The following VWA8 variants were observed in gnomAD, a reference collection of about 807,000 sequenced individuals.
The protein encoded by VWA8 is von Willebrand factor A domain-containing protein 8.
VWA8 carries 221 observed loss-of-function variants against 241.5 expected under a neutral mutation model. The ratio of observed to expected loss-of-function variants is 0.91; its 90% CI spans 0.82 to 1.02. The LOEUF (loss-of-function observed/expected upper bound fraction) is 1.02. Among genes scored for constraint, VWA8 ranks in the 50% least tolerant of loss-of-function variants. VWA8 has a pLI of 0.00. For missense variants in VWA8, 2,322 were observed against 2,328.7 expected (o/e 1.00, Z 0.06); for synonymous variants, 852 against 827.1 (o/e 1.03, Z -0.52).
chr13:41,573,486 A>AAAAAATATATATATAT, intron 43 of VWA8, among the ~76,000 whole-genome samples: 2 of 113,614 alleles, frequency 1.8e-5, no homozygotes, highest in South Asian at 3.1e-4. Flanking sequence ...AAAAAAAAAA[A>AAAAAATATATATATAT]ATATATATAT....
At chr13:41,688,464 C>T (rs1364425543) in intron 34 of VWA8, among the ~76,000 whole-genome samples, 1 of 152,130 alleles carries the variant, frequency 6.6e-6, no homozygotes, top group Non-Finnish European at 1.5e-5. Flanking sequence ...AATTTCCCCA[C>T]ATTTCCATCA....
intron 2 of VWA8, among the ~76,000 whole-genome samples, chr13:41,932,075 G>C (rs1250069074): frequency 6.6e-6 from 1 of 152,016 alleles, no homozygotes; most frequent in African/African-American, 2.4e-5. Context: ...ACTATTAAGA[G>C]AGAGAAGACA....
Position 41,784,697 on chromosome 13 carries a change from C to CATATATATATATATAT in VWA8, c.2171-812_2171-797dup, listed in dbSNP as rs59582293. Among the ~76,000 whole-genome samples the CATATATATATATATAT allele has an allele frequency of 1.7e-3, 96 of 56,968 alleles. 3 individuals carry two copies. Among genetic ancestry groups the CATATATATATATATAT allele is most frequent in the South Asian group, 2.9e-3 (4 of 1,382 alleles). The allele number at this position is 56,968 out of a possible 152,430, so 37.4% of individuals were successfully genotyped here. A position where few individuals can be genotyped will look rare whatever the true frequency, so the allele number is the denominator to read the frequency against. On this transcript the variant is annotated intron_variant, in intron 18 of 44. Transcript: ENST00000379310. ...CTCTCTCTTTATACATATACATATA[C>CATATATATATATATAT]ATATATATATATATATATATATATA...
At chr13:41,954,719 C>T (rs1291635017) in intron 1 of VWA8, among the ~76,000 whole-genome samples, 4 of 152,194 alleles carry the variant, frequency 2.6e-5, no homozygotes, top group South Asian at 2.1e-4. Context: ...AAAAGATACA[C>T]TCAGAATTTG....
chr13:41,749,428 A>G (rs2045636341), intron 21 of VWA8, among the ~76,000 whole-genome samples: 1 of 152,174 alleles, frequency 6.6e-6, no homozygotes, highest in Admixed American at 6.6e-5. Context: ...TAGTTCAACC[A>G]TTGTGGAAGT....
chr13:41,763,463 T>C (rs1379369046), intron 20 of VWA8, among the ~76,000 whole-genome samples: 2 of 152,170 alleles, frequency 1.3e-5, no homozygotes. Flanking sequence ...GATCATTTCA[T>C]CTTCTAGGAA....
intron 21 of VWA8, among the ~76,000 whole-genome samples, chr13:41,755,908 A>G (rs960777000): frequency 2.6e-5 from 4 of 151,908 alleles, no homozygotes; most frequent in Admixed American, 2.0e-4. Context: ...ATTCACATCA[A>G]AAAGTTTTTT....
At chr13:41,695,170 G>GA (rs1175882479) in intron 29 of VWA8, among the ~76,000 whole-genome samples, 1 of 152,114 alleles carries the variant, frequency 6.6e-6, no homozygotes, top group Non-Finnish European at 1.5e-5. Context: ...TTAACTGGGA[G>GA]AAAAGTAACC....
intron 21 of VWA8, among the ~76,000 whole-genome samples, chr13:41,736,166 T>C (rs1372962226): frequency 1.3e-5 from 2 of 152,156 alleles, no homozygotes; most frequent in Non-Finnish European, 2.9e-5. Flanking sequence ...TTATCAGTAA[T>C]ACTTGATGAA....
chr13:41,825,285 T>C (rs1871131484), intron 14 of VWA8, among the ~76,000 whole-genome samples: 1 of 152,204 alleles, frequency 6.6e-6, no homozygotes, highest in African/African-American at 2.4e-5. Flanking sequence ...AAATCAGTTA[T>C]CTCCAATCAT....
intron 19 of VWA8, among the ~76,000 whole-genome samples, chr13:41,780,967 C>T (rs1868861564): frequency 6.6e-6 from 1 of 152,160 alleles, no homozygotes; most frequent in Non-Finnish European, 1.5e-5. Flanking sequence ...CCTTAATAGC[C>T]CTGGAATGTG....
chr13:41,725,148 T>C (rs2045422562), intron 24 of VWA8, among the ~76,000 whole-genome samples: 1 of 151,652 alleles, frequency 6.6e-6, no homozygotes, highest in Non-Finnish European at 1.5e-5. Context: ...AAGAATAATA[T>C]ATGTAAGGGA....
intron 2 of VWA8, among the ~76,000 whole-genome samples, chr13:41,939,971 C>T (rs1165529321): frequency 3.3e-5 from 5 of 152,174 alleles, no homozygotes; most frequent in African/African-American, 1.2e-4. Context: ...ATCTTTCACA[C>T]TTTTAAATTC....
intron 37 of VWA8, 124 bp downstream of exon 37, chr13:41,670,822 C>A: frequency 1.9e-6 from 2 of 1,043,158 alleles, no homozygotes; most frequent in Non-Finnish European, 2.7e-6. Flanking sequence ...TCTAAAAATT[C>A]TTTTAGTTCT....
intron 35 of VWA8, among the ~76,000 whole-genome samples, chr13:41,678,660 A>G (rs922095157): frequency 6.6e-6 from 1 of 152,256 alleles, no homozygotes; most frequent in Non-Finnish European, 1.5e-5. Flanking sequence ...GTGAAAGCAA[A>G]GTAAGCCAAC....
intron 17 of VWA8, among the ~76,000 whole-genome samples, chr13:41,790,405 C>T (rs1293443815): frequency 1.3e-5 from 2 of 151,882 alleles, no homozygotes; most frequent in African/African-American, 4.8e-5. Flanking sequence ...ATTTATTTAT[C>T]CATAGGTGTT....
intron 41 of VWA8, among the ~76,000 whole-genome samples, chr13:41,588,796 A>G (rs1178388522): frequency 6.6e-6 from 1 of 152,214 alleles, no homozygotes; most frequent in Admixed American, 6.5e-5. Context: ...TTAAATATAA[A>G]AAATAATGAG....
intron 12 of VWA8, among the ~76,000 whole-genome samples, chr13:41,841,466 T>G (rs1871996699): frequency 2.6e-5 from 4 of 152,118 alleles, no homozygotes; most frequent in Admixed American, 2.6e-4. Flanking sequence ...GTAGATATGA[T>G]TCTTCATTCT....
At chr13:41,592,184 G>C (rs2044459738) in intron 40 of VWA8, among the ~76,000 whole-genome samples, 1 of 145,360 alleles carries the variant, frequency 6.9e-6, no homozygotes, top group African/African-American at 2.6e-5. Context: ...GATGAAATTG[G>C]AAATCATCAT....
Sources: allele counts gnomAD v4.1 joint callset (sites outside exome capture counted in the v4.1 genomes callset), GRCh38; gene constraint gnomAD v4.1.1; transcripts MANE v1.5; gene names NCBI Gene and HGNC (gene_info 2026-07-23, HGNC 2026-07-21).